DPEP2: variants seen among roughly 807,000 people sequenced by gnomAD.
DPEP2 encodes dipeptidase 2.
DPEP2 carries 45 observed loss-of-function variants against 51.8 expected under a neutral mutation model. The ratio of observed to expected loss-of-function variants is 0.87; its 90% CI spans 0.68 to 1.11. DPEP2 has a LOEUF of 1.11. Among genes scored for constraint, DPEP2 ranks in the 50% most tolerant of loss-of-function variants. The pLI, the probability that DPEP2 is intolerant of heterozygous loss-of-function variation, is 0.00. For missense variants in DPEP2, 604 were observed against 631.9 expected (o/e 0.96, Z 0.47); for synonymous variants, 255 against 262.7 (o/e 0.97, Z 0.28).
In DPEP2 at chr16:67,990,081, C is replaced by T. The variant is rs751211654; in HGVS notation, c.960G>A (p.Gln320=). The T allele has an allele frequency of 6.2e-7, 1 of 1,614,170 alleles. No individual in the cohort carries two copies. Among genetic ancestry groups the T allele is most frequent in the East Asian group, 2.2e-5 (1 of 44,876 alleles). ...TGGACACATTGGCTGATGGGTTGCA[C>T]TGTATTACTCCCATGGACAAAGACA... The part of the protein sequence containing the change: ...VMVSLSMGVI[Q]CNPSANVSTV... The change falls in exon 8 of 11, where the codon CAG becomes CAA. Residue 320 remains glutamine, a synonymous_variant. Coordinates refer to ENST00000393847, the MANE Select transcript of DPEP2 (RefSeq NM_022355.4).
Position 67,991,896 on chromosome 16 carries a change from T to G in DPEP2, c.604A>C (p.Thr202Pro). 6.2e-7 allele frequency: 1 copy of G among 1,614,044 alleles called. No homozygotes were observed. The highest frequency in any genetic ancestry group is 8.5e-7 in the Non-Finnish European group (1 of 1,180,004). The change falls in exon 5 of 11, where the codon ACC becomes CCC. Residue 202 changes from threonine to proline, a missense_variant. Thr to Pro is a conservative substitution (Grantham distance 38). Transcript: ENST00000393847. This position sits in a 1 kb window ranked among gnomAD's most constrained non-coding sequence, Gnocchi z 5.1. ...TAGCGCACTCCCAGCATGTAGAAGG[T>G]ACGTAAGATGGAGAGGCTATTGTCC... ...SLDNSLSILR[T>P]FYMLGVRYLT...
Position 67,992,924 on chromosome 16 carries a change from A to T in DPEP2, c.263+26T>A. ...TTGCCCAGGAGTGTGCTCAGCTCCC[A>T]TCGCCCCCTTGCAGCAATTACGCAC... On this transcript the variant is annotated intron_variant, in intron 2 of 10. Coordinates refer to ENST00000393847, the MANE Select transcript of DPEP2 (RefSeq NM_022355.4). 1.9e-6 allele frequency: 3 copies of T among 1,595,286 alleles called. No homozygotes were observed. In the African/African-American group the frequency reaches 4.0e-5, roughly 21 times the overall value.
chr16:67,999,596 T>C (rs1372781139), upstream of DPEP2: 5 of 721,232 alleles, frequency 6.9e-6, no homozygotes, highest in Non-Finnish European at 6.8e-6. Flanking sequence ...TGAGTGTTCA[T>C]GTGAGCCCAC....
upstream of DPEP2, chr16:68,000,500 T>C: frequency 1.0e-6 from 1 of 985,230 alleles, no homozygotes; most frequent in Non-Finnish European, 1.2e-6. Flanking sequence ...GCCCCTCTGG[T>C]CCTGGAGACT....
At chr16:67,987,789 C>G in intron 10 of DPEP2, 29 bp from the exon 11 acceptor site, 3 of 1,612,924 alleles carry the variant, frequency 1.9e-6, no homozygotes, top group Non-Finnish European at 2.5e-6. Flanking sequence ...GCTCAGCTTC[C>G]ACAGCTCTCC....
Position 67,987,570 on chromosome 16 carries a change from G to A in DPEP2, c.1397C>T (p.Ser466Phe), listed in dbSNP as rs758957088. Reference sequence around the variant, plus strand: ...TGCAAGGACTGGGGCCATGTGGGGGGAGGACTCTGAGACTGACCACTTGGC... The same window carrying A: ...TGCAAGGACTGGGGCCATGTGGGGGAAGGACTCTGAGACTGACCACTTGGC... Reference protein sequence around the residue: ...LPAKWSVSESSPHMAPVLAVV... With the variant: ...LPAKWSVSESFPHMAPVLAVV... The change falls in exon 11 of 11, where the codon TCC (serine) becomes TTC (phenylalanine). Residue 466 changes from serine (S) to phenylalanine (F), a missense_variant. Physicochemically the swap from Ser to Phe is radical, Grantham distance 155. Coordinates refer to ENST00000393847, the MANE Select transcript of DPEP2 (RefSeq NM_022355.4). 2.7e-5 allele frequency: 43 copies of A among 1,614,050 alleles called. No homozygotes were observed. In the African/African-American group the frequency reaches 5.3e-4, roughly 20 times the overall value.
intron 1 of DPEP2, among the ~76,000 whole-genome samples, chr16:67,997,728 G>C (rs1450933514): frequency 1.3e-5 from 2 of 152,184 alleles, no homozygotes; most frequent in African/African-American, 2.4e-5. Context: ...GAGATCAGGA[G>C]GGGTAAGGAA....
rs775767063 is a variant in DPEP2 at position 67,989,399 on chromosome 16, C to G, written c.995-1G>C. The stretch of plus-strand genomic sequence containing the variant: ...ACAGCCTTGATGTGGTCGAAGTGAT[C>G]TGGGGAGGGGGAAGGTGGACAGTCA... On this transcript the variant is annotated splice_acceptor_variant, in intron 8 of 10. Coordinates refer to ENST00000393847, the MANE Select transcript of DPEP2 (RefSeq NM_022355.4). LOFTEE classifies it high-confidence loss of function. 6.2e-7 allele frequency: 1 copy of G among 1,614,152 alleles called. No homozygotes were observed. Among genetic ancestry groups the G allele is most frequent in the South Asian group, 1.1e-5 (1 of 91,078 alleles).
chr16:68,000,197 T>C (rs1421468020), upstream of DPEP2, among the ~76,000 whole-genome samples: 2 of 152,164 alleles, frequency 1.3e-5, no homozygotes, highest in African/African-American at 4.8e-5. Flanking sequence ...AAGGAGTAGG[T>C]GGGTGAACAG....
chr16:67,987,426 A>C lies in DPEP2; in HGVS notation c.*80T>G. ...GTCCAAAACATTTATTTCAGGAAATATTTGTGCCTGCACAACAGGGGAACT... is the reference window on the plus strand; with the variant it reads ...GTCCAAAACATTTATTTCAGGAAATCTTTGTGCCTGCACAACAGGGGAACT... On this transcript the variant is annotated 3_prime_UTR_variant, in exon 11 of 11. Coordinates refer to ENST00000393847, the MANE Select transcript of DPEP2 (RefSeq NM_022355.4). The C allele has an allele frequency of 6.6e-7, 1 of 1,526,504 alleles. No individual in the cohort carries two copies. The highest frequency in any genetic ancestry group is 2.3e-5 in the East Asian group (1 of 44,016). 94.6% of individuals were successfully genotyped at this position (1,526,504 alleles called of 1,614,324 possible). A position where few individuals can be genotyped will look rare whatever the true frequency, so the allele number is the denominator to read the frequency against.
At chr16:67,989,480 C>T (rs1894843059) in intron 8 of DPEP2, 82 bp from the exon 9 acceptor site, 1 of 1,438,738 alleles carries the variant, frequency 7.0e-7, no homozygotes, top group East Asian at 2.3e-5. Context: ...CACTGAGTCT[C>T]CTTCTTGCAG....
At chr16:67,993,482 C>G in intron 1 of DPEP2, 1 of 1,222,274 alleles carries the variant, frequency 8.2e-7, no homozygotes, top group Non-Finnish European at 1.0e-6. Context: ...CTGTCCTGGG[C>G]GCCCACTCGC....
chr16:68,000,485 T>A, upstream of DPEP2: 1 of 985,370 alleles, frequency 1.0e-6, no homozygotes, highest in Non-Finnish European at 1.2e-6. Flanking sequence ...ATCATCTGCA[T>A]CCAAGCCCCT....
upstream of DPEP2, chr16:68,000,556 GA>G: frequency 2.2e-6 from 2 of 919,722 alleles, no homozygotes; most frequent in Non-Finnish European, 2.6e-6. Context: ...CATGATGTCT[GA>G]TACAGACAAT....
chr16:67,992,674 A>G (rs758705104), intron 2 of DPEP2, 38 bp from the exon 3 acceptor site: 51 of 1,599,884 alleles, frequency 3.2e-5, no homozygotes, highest in Non-Finnish European at 4.4e-5. Flanking sequence ...TGAAGAACAG[A>G]CAGATGGGCC....
In DPEP2 at chr16:67,991,046, C is replaced by T. The variant is rs1399403453; in HGVS notation, c.733-49G>A. 3.7e-6 allele frequency: 6 copies of T among 1,613,994 alleles called. No homozygotes were observed. The highest frequency in any genetic ancestry group is 5.1e-6 in the Non-Finnish European group (6 of 1,179,882). On this transcript the variant is annotated intron_variant, in intron 6 of 10. Transcript: ENST00000393847. The surrounding 1 kb of genome is among the most constrained non-coding windows in gnomAD (Gnocchi z 5.1). The stretch of plus-strand genomic sequence containing the variant: ...GGTATCAGGGGTGCACATGTGTATA[C>T]ATTTATTTGTAAGAAACAGCTGGGG...
intron 1 of DPEP2, 100 bp from the exon 2 acceptor site, chr16:67,993,357 C>CAG: frequency 7.7e-7 from 1 of 1,300,830 alleles, no homozygotes; most frequent in African/African-American, 1.5e-5. Flanking sequence ...AACGAAGTCA[C>CAG]AGGGCCCCGC....
chr16:67,995,036 G>T, intron 1 of DPEP2: 1 of 317,548 alleles, frequency 3.1e-6, no homozygotes, highest in Non-Finnish European at 4.6e-6. Context: ...GAGTAGCTGG[G>T]ACTACAGGCA....
In DPEP2 at chr16:67,992,058, GC is replaced by G; in HGVS notation, c.520+5del. 6.2e-7 allele frequency: 1 copy of G among 1,614,114 alleles called. No homozygotes were observed. Among genetic ancestry groups the G allele is most frequent in the Non-Finnish European group, 8.5e-7 (1 of 1,180,012 alleles). On this transcript the variant is annotated splice_donor_5th_base_variant and intron_variant, in intron 4 of 10. Transcript: ENST00000393847. ...AGTTCCTAACGCTTCCCATCAACTT[GC>G]CTACCTTTAGCCGAGGTCACAAGCT...
Sources: allele counts gnomAD v4.1 joint callset (sites outside exome capture counted in the v4.1 genomes callset), GRCh38; gene constraint gnomAD v4.1.1; non-coding constraint Gnocchi (gnomAD v3.1); transcripts MANE v1.5; gene names NCBI Gene and HGNC (gene_info 2026-07-23, HGNC 2026-07-21).